The following BMPR1A variants were observed in gnomAD, a reference collection of about 807,000 sequenced individuals.
BMPR1A encodes bone morphogenetic protein receptor type-1A.
BMPR1A carries 7 observed loss-of-function variants against 66.0 expected under a neutral mutation model. The ratio of observed to expected loss-of-function variants is 0.11; its 90% confidence interval spans 0.06 to 0.20. BMPR1A has a LOEUF of 0.20. Among genes scored for constraint, BMPR1A ranks in the 10% least tolerant of loss-of-function variants. BMPR1A has a pLI of 1.00. For synonymous variants in BMPR1A, 200 were observed against 229.7 expected (o/e 0.87, Z 1.17); for missense variants, 408 against 669.1 (o/e 0.61, Z 4.31).
At chr10:86,887,516 C>T (rs1324740640) in intron 3 of BMPR1A, among the ~76,000 whole-genome samples, 1 of 152,096 alleles carries the variant, frequency 6.6e-6, no homozygotes, top group Non-Finnish European at 1.5e-5. Flanking sequence ...TTCATTTGAT[C>T]TACCTATAAC....
intron 3 of BMPR1A, among the ~76,000 whole-genome samples, chr10:86,882,452 C>T (rs1490063222): frequency 6.6e-6 from 1 of 151,728 alleles, no homozygotes; most frequent in Non-Finnish European, 1.5e-5. Flanking sequence ...TGGAAGAATA[C>T]TTCATTTCAA....
chr10:86,790,190 T>A (rs11202184), intron 1 of BMPR1A, among the ~76,000 whole-genome samples: 1,993 of 7,516 alleles, frequency 0.27, 277 homozygotes, highest in East Asian at 0.39. Flanking sequence ...AAAAAAAAAA[T>A]ATATATATAT....
At chr10:86,768,006 A>C (rs1310522112) in intron 1 of BMPR1A, among the ~76,000 whole-genome samples, 1 of 152,176 alleles carries the variant, frequency 6.6e-6, no homozygotes, top group Non-Finnish European at 1.5e-5. Flanking sequence ...TTCCCCTAGT[A>C]AGATGGTACA....
chr10:86,818,752 G>C (rs1418789267), intron 1 of BMPR1A, among the ~76,000 whole-genome samples: 1 of 152,190 alleles, frequency 6.6e-6, no homozygotes, highest in Non-Finnish European at 1.5e-5. Context: ...GATTCAGACT[G>C]TGTACCTGTG....
At chr10:86,899,418 C>A (rs1843273757) in intron 5 of BMPR1A, among the ~76,000 whole-genome samples, 1 of 152,222 alleles carries the variant, frequency 6.6e-6, no homozygotes, top group Non-Finnish European at 1.5e-5. Flanking sequence ...GCTCAGCTGC[C>A]TTGCTAACCA....
At chr10:86,882,281 G>A (rs530983972) in intron 3 of BMPR1A, among the ~76,000 whole-genome samples, 24 of 151,584 alleles carry the variant, frequency 1.6e-4, no homozygotes, top group East Asian at 7.8e-4. Context: ...AAATTAGCCG[G>A]GCATGGTGGC....
At chr10:86,874,472 C>G (rs574515675) in intron 2 of BMPR1A, among the ~76,000 whole-genome samples, 1 of 152,260 alleles carries the variant, frequency 6.6e-6, no homozygotes, top group South Asian at 2.1e-4. Flanking sequence ...GTGGCGCAGT[C>G]TCAGCTTACT....
chr10:86,817,531 T>A (rs951046106), intron 1 of BMPR1A, among the ~76,000 whole-genome samples: 1 of 152,242 alleles, frequency 6.6e-6, no homozygotes, highest in African/African-American at 2.4e-5. Context: ...TTAGCTGTTG[T>A]GAATAATGCT....
intron 8 of BMPR1A, among the ~76,000 whole-genome samples, chr10:86,913,223 T>G (rs975158142): frequency 2.6e-5 from 4 of 151,752 alleles, no homozygotes; most frequent in Non-Finnish European, 5.9e-5. Flanking sequence ...CTTCCCAAGT[T>G]CAAGCAATTC....
chr10:86,791,414 A>G (rs979286895), intron 1 of BMPR1A, among the ~76,000 whole-genome samples: 9 of 151,938 alleles, frequency 5.9e-5, no homozygotes, highest in African/African-American at 9.6e-5. Flanking sequence ...GGGTTTCACC[A>G]TGTTGGCCAG....
At position 86,890,227 on chromosome 10, in the gene BMPR1A, A is replaced by G. The variant is rs1060503393; in HGVS notation, c.230+3A>G. The G allele has an allele frequency of 1.2e-6, 2 of 1,613,958 alleles. No homozygotes were observed. Among genetic ancestry groups the G allele is most frequent in the Non-Finnish European group, 1.7e-6 (2 of 1,179,938 alleles). On this transcript the variant is annotated splice_donor_region_variant and intron_variant, in intron 4 of 12. Coordinates refer to ENST00000372037, the MANE Select transcript of BMPR1A (RefSeq NM_004329.3). Reference sequence around the variant, plus strand: ...GATGCTATTAATAACACATGCATGTAAGTATTTTATGCAGCCCTTCTTAAG... The same window carrying G: ...GATGCTATTAATAACACATGCATGTGAGTATTTTATGCAGCCCTTCTTAAG...
At chr10:86,775,274 A>G (rs1473195577) in intron 1 of BMPR1A, among the ~76,000 whole-genome samples, 1 of 152,214 alleles carries the variant, frequency 6.6e-6, no homozygotes, top group Non-Finnish European at 1.5e-5. Flanking sequence ...GCCGTGTGAG[A>G]AGTACTGTCA....
chr10:86,821,440 G>T lies in BMPR1A; in HGVS notation c.-267-17425G>T, dbSNP rs142371710. 3.9e-3 allele frequency among the ~76,000 whole-genome samples: 599 copies of T among 152,210 alleles called. 2 individuals are homozygous for T. The highest frequency in any genetic ancestry group is 0.013 in the African/African-American group (533 of 41,538). On this transcript the variant is annotated intron_variant, in intron 1 of 12. Transcript: ENST00000372037. ...TTGTTCTGCCGTCATTAAGCGTGTT[G>T]TAAGACCATACGTGTCACTAAATCT... is the stretch of plus-strand genomic sequence containing the variant.
intron 1 of BMPR1A, among the ~76,000 whole-genome samples, chr10:86,824,544 G>T (rs922035350): frequency 6.6e-6 from 1 of 152,124 alleles, no homozygotes; most frequent in Non-Finnish European, 1.5e-5. Context: ...CCCACACCTG[G>T]CCTTTTGGAG....
At chr10:86,785,594 G>A (rs936640517) in intron 1 of BMPR1A, among the ~76,000 whole-genome samples, 2 of 152,164 alleles carry the variant, frequency 1.3e-5, no homozygotes, top group African/African-American at 2.4e-5. Flanking sequence ...GAGCCACTGC[G>A]CCCGGCCGGG....
intron 7 of BMPR1A, among the ~76,000 whole-genome samples, chr10:86,911,890 C>T (rs935747697): frequency 6.6e-5 from 10 of 151,890 alleles, no homozygotes; most frequent in Admixed American, 5.2e-4. Context: ...ATCAAGTTGG[C>T]AAAAGTCTGA....
At chr10:86,897,192 A>G (rs1843235799) in intron 5 of BMPR1A, among the ~76,000 whole-genome samples, 1 of 152,218 alleles carries the variant, frequency 6.6e-6, no homozygotes, top group African/African-American at 2.4e-5. Context: ...AGTTTATTTA[A>G]GTCAGAATCA....
intron 1 of BMPR1A, among the ~76,000 whole-genome samples, chr10:86,820,806 A>G (rs1842111467): frequency 6.6e-6 from 1 of 152,152 alleles, no homozygotes; most frequent in Non-Finnish European, 1.5e-5. Flanking sequence ...CAACCCCAAT[A>G]GCAGATTTAA....
At chr10:86,796,946 G>C (rs1255438252) in intron 1 of BMPR1A, among the ~76,000 whole-genome samples, 2 of 151,816 alleles carry the variant, frequency 1.3e-5, no homozygotes, top group East Asian at 3.8e-4. Context: ...TCATGCTTTA[G>C]TTCTAATTTA....
Sources: gnomAD v4.1 joint callset for allele counts (sites outside exome capture counted in the v4.1 genomes callset) on GRCh38, gnomAD v4.1.1 for gene constraint, MANE v1.5 for transcripts, NCBI Gene and HGNC (gene_info 2026-07-23, HGNC 2026-07-21) for gene names.